The following TRAPPC9 variants were observed in gnomAD, a reference collection of about 807,000 sequenced individuals.
TRAPPC9 encodes IKK2 binding protein.
TRAPPC9 carries 83 observed loss-of-function variants against 124.0 expected under a neutral mutation model. The observed-to-expected ratio is 0.67, with a 90% CI of 0.56 to 0.80. The LOEUF (loss-of-function observed/expected upper bound fraction) is 0.80. TRAPPC9 is among the 30% of genes least tolerant of loss of function. The probability of loss-of-function intolerance (pLI) is 0.00; values close to 1 mark genes in which losing one functional copy is unlikely to be tolerated. For missense variants in TRAPPC9, 1,302 were observed against 1,508.3 expected (o/e 0.86, Z 2.27); for synonymous variants, 638 against 617.5 (o/e 1.03, Z -0.49).
chr8:140,050,722 G>A (rs1040841591), intron 17 of TRAPPC9, among the ~76,000 whole-genome samples: 1 of 152,172 alleles, frequency 6.6e-6, no homozygotes, highest in African/African-American at 2.4e-5. Flanking sequence ...GGCTGGGGAG[G>A]GAAGAAGGGG....
chr8:139,947,920 A>AGAGAGAGAGAGAGAGAGT (rs1359235687), intron 19 of TRAPPC9, among the ~76,000 whole-genome samples: 1 of 58,788 alleles, frequency 1.7e-5, no homozygotes, highest in Non-Finnish European at 3.5e-5. Context: ...AGAGAGAGAG[A>AGAGAGAGAGAGAGAGAGT]GAGCGAGAGA....
intron 11 of TRAPPC9, among the ~76,000 whole-genome samples, chr8:140,300,249 GCATA>G (rs2065929473): frequency 7.1e-6 from 1 of 141,574 alleles, no homozygotes. Flanking sequence ...ACGCACGCAT[GCATA>G]CACACATACA....
At chr8:140,051,576 C>CTTTTT (rs1197128988) in intron 17 of TRAPPC9, among the ~76,000 whole-genome samples, 78 of 87,992 alleles carry the variant, frequency 8.9e-4, no homozygotes, top group African/African-American at 2.0e-3. Flanking sequence ...ATTGTTCATT[C>CTTTTT]TTTTTTTTTT....
At chr8:140,041,732 G>C (rs1841287589) in intron 17 of TRAPPC9, among the ~76,000 whole-genome samples, 1 of 152,230 alleles carries the variant, frequency 6.6e-6, no homozygotes, top group South Asian at 2.1e-4. Context: ...AGCATTTTGG[G>C]AGGCCAAGGC....
intron 17 of TRAPPC9, among the ~76,000 whole-genome samples, chr8:140,038,698 A>C (rs1841068201): frequency 6.6e-6 from 1 of 152,228 alleles, no homozygotes; most frequent in African/African-American, 2.4e-5. Context: ...GTAAGGTCAA[A>C]GCAAAAACCC....
chr8:140,449,701 G>C (rs960422712), intron 2 of TRAPPC9, among the ~76,000 whole-genome samples: 4 of 152,178 alleles, frequency 2.6e-5, no homozygotes, highest in African/African-American at 9.7e-5. Flanking sequence ...TTGTAAGTGA[G>C]GAATTCGACA....
intron 17 of TRAPPC9, among the ~76,000 whole-genome samples, chr8:140,134,848 G>A (rs901265319): frequency 1.5e-4 from 23 of 152,114 alleles, no homozygotes; most frequent in Non-Finnish European, 2.9e-5. Context: ...AAACTTTGGT[G>A]AATCAAAGGA....
intron 21 of TRAPPC9, among the ~76,000 whole-genome samples, chr8:139,837,753 C>G (rs1337764260): frequency 6.6e-6 from 1 of 152,208 alleles, no homozygotes; most frequent in Non-Finnish European, 1.5e-5. Flanking sequence ...AGGCACCCAA[C>G]CCAGATGCCA....
chr8:139,968,655 G>C (rs1563649380), intron 19 of TRAPPC9, among the ~76,000 whole-genome samples: 2 of 152,204 alleles, frequency 1.3e-5, no homozygotes, highest in Non-Finnish European at 2.9e-5. Context: ...CCACAGAAGA[G>C]TACTCATAAG....
At chr8:140,240,041 A>C (rs1051357786) in intron 16 of TRAPPC9, among the ~76,000 whole-genome samples, 2 of 152,250 alleles carry the variant, frequency 1.3e-5, no homozygotes, top group Non-Finnish European at 2.9e-5. Context: ...TGGCTCTCGA[A>C]TAAAATTAAT....
At chr8:139,910,747 T>G (rs12543652) in intron 19 of TRAPPC9, among the ~76,000 whole-genome samples, 15,588 of 150,930 alleles carry the variant, frequency 0.1, 921 homozygotes, top group Admixed American at 0.17. Flanking sequence ...CCCCCTACCA[T>G]TTCCTTCTCA....
chr8:140,024,294 C>T (rs925330582), intron 17 of TRAPPC9, among the ~76,000 whole-genome samples: 30 of 152,112 alleles, frequency 2.0e-4, no homozygotes, highest in African/African-American at 6.3e-4. Context: ...CTTACACCCC[C>T]GGTGGGCACC....
intron 21 of TRAPPC9, among the ~76,000 whole-genome samples, chr8:139,775,628 C>T (rs1457049294): frequency 6.6e-6 from 1 of 152,200 alleles, no homozygotes; most frequent in African/African-American, 2.4e-5. Context: ...GCCTGGTTTC[C>T]CCCATAGATA....
intron 21 of TRAPPC9, among the ~76,000 whole-genome samples, chr8:139,744,398 G>A (rs1818756220): frequency 6.6e-6 from 1 of 151,010 alleles, no homozygotes; most frequent in South Asian, 2.1e-4. Context: ...CTGCTGGGAA[G>A]GGGCCTTCTC....
chr8:139,934,710 C>T (rs1451254741), intron 19 of TRAPPC9, among the ~76,000 whole-genome samples: 2 of 152,192 alleles, frequency 1.3e-5, no homozygotes, highest in Non-Finnish European at 2.9e-5. Flanking sequence ...CTGGGGAAGG[C>T]GCGCCCTTCT....
intron 17 of TRAPPC9, among the ~76,000 whole-genome samples, chr8:140,165,431 C>T (rs1230068005): frequency 2.0e-5 from 3 of 151,340 alleles, no homozygotes; most frequent in Admixed American, 6.6e-5. Context: ...CCCAGCTACT[C>T]GGGAGGTTGA....
intron 10 of TRAPPC9, 109 bp downstream of exon 10, chr8:140,311,139 C>T (rs2066284793): frequency 1.4e-6 from 2 of 1,379,720 alleles, no homozygotes; most frequent in Non-Finnish European, 2.0e-6. Flanking sequence ...GAACCCGATA[C>T]ACAGCCAACA....
chr8:139,925,827 G>GCGCGCA lies in TRAPPC9; in HGVS notation c.2811-15528_2811-15527insTGCGCG, dbSNP rs1554673867. Among the ~76,000 whole-genome samples the GCGCGCA allele has an allele frequency of 2.1e-3, 144 of 68,754 alleles. 1 individual carries two copies. The highest frequency in any genetic ancestry group is 5.5e-3 in the African/African-American group (134 of 24,512). 45.1% of individuals were successfully genotyped at this position (68,754 alleles called of 152,430 possible). On this transcript the variant is annotated intron_variant, in intron 19 of 22. Transcript: ENST00000438773. ...AGCACACGCACACGCACACGCACAC[G>GCGCGCA]CACACACACACACACACACGTTTCA...
intron 21 of TRAPPC9, among the ~76,000 whole-genome samples, chr8:139,874,102 A>G (rs550704711): frequency 1.3e-5 from 2 of 152,226 alleles, no homozygotes; most frequent in Non-Finnish European, 2.9e-5. Flanking sequence ...CTGGGAATGG[A>G]TCCTTGGGAA....
Sources: allele counts gnomAD v4.1 joint callset (sites outside exome capture counted in the v4.1 genomes callset), GRCh38; gene constraint gnomAD v4.1.1; transcripts MANE v1.5; gene names NCBI Gene and HGNC (gene_info 2026-07-23, HGNC 2026-07-21).